Variants in METTL6 observed in about 807,000 individuals in gnomAD.
The protein encoded by METTL6 is tRNA N(3)-cytidine methyltransferase METTL6.
In METTL6, 22 loss-of-function variants were observed where a neutral mutation model predicts 26.4. The observed-to-expected ratio is 0.83, with a 90% confidence interval of 0.59 to 1.19. The LOEUF (loss-of-function observed/expected upper bound fraction) is 1.19. Among genes scored for constraint, METTL6 ranks in the 50% most tolerant of loss-of-function variants. METTL6 has a pLI of 0.00. For synonymous variants in METTL6, 109 were observed against 116.2 expected (o/e 0.94, Z 0.40); for missense variants, 304 against 324.8 (o/e 0.94, Z 0.49).
chr3:15,391,961 A>C (rs1248299452), intron 6 of METTL6, among the ~76,000 whole-genome samples: 1 of 152,064 alleles, frequency 6.6e-6, no homozygotes, highest in East Asian at 1.9e-4. Context: ...ATAAACATAC[A>C]TGTGCATGTG....
chr3:15,414,492 A>C (rs1273265488), intron 4 of METTL6: 11 of 381,318 alleles, frequency 2.9e-5, no homozygotes, highest in South Asian at 1.9e-4. Context: ...AGTAGCTGGG[A>C]TTATAGGTGC....
chr3:15,390,573 G>C (rs1228886098), intron 6 of METTL6, among the ~76,000 whole-genome samples: 1 of 152,206 alleles, frequency 6.6e-6, no homozygotes, highest in Non-Finnish European at 1.5e-5. Context: ...CAAACCCCTT[G>C]TGAGAGTGAG....
chr3:15,416,102 T>G (rs1214709422), intron 3 of METTL6, among the ~76,000 whole-genome samples, 160 bp from the exon 4 acceptor site: 1 of 152,248 alleles, frequency 6.6e-6, no homozygotes, highest in Non-Finnish European at 1.5e-5. Context: ...CTATAAAGCA[T>G]GTAATATTCA....
intron 3 of METTL6, 81 bp from the exon 4 acceptor site, chr3:15,416,023 A>C: frequency 7.9e-7 from 1 of 1,267,038 alleles, no homozygotes; most frequent in Non-Finnish European, 1.1e-6. Flanking sequence ...TCAAAAGGCG[A>C]TCCAATTTCC....
intron 3 of METTL6, among the ~76,000 whole-genome samples, chr3:15,421,113 T>G (rs911907316): frequency 2.0e-5 from 3 of 152,202 alleles, no homozygotes; most frequent in Non-Finnish European, 2.9e-5. Context: ...AATCTCCATA[T>G]CTAGAAGATG....
chr3:15,426,447 A>T lies in METTL6; in HGVS notation c.65T>A (p.Leu22Gln). ...RILTSEEEEK[L>Q]KRDQTLVSDF... ...AGACACCAAAGTTTGGTCTCTTTTC[A>T]GTTTCTCCTCTTCTTCAGAGGTGAG... The change falls in exon 2 of 6, where the codon CTG becomes CAG. Residue 22 changes from leucine (L) to glutamine (Q), a missense_variant. Physicochemically the swap from Leu to Gln is moderately radical, Grantham distance 113. Transcript: ENST00000383790. 1 of 1,614,166 alleles carries T rather than the reference A, an allele frequency of 6.2e-7. No individual in the cohort carries two copies. The highest frequency in any genetic ancestry group is 8.5e-7 in the Non-Finnish European group (1 of 1,180,004).
intron 6 of METTL6, among the ~76,000 whole-genome samples, chr3:15,395,017 C>T (rs1699449571): frequency 6.6e-6 from 1 of 152,124 alleles, no homozygotes; most frequent in African/African-American, 2.4e-5. Context: ...CTATTAGGTC[C>T]ACTTGGTGCA....
rs141215776 is a variant in METTL6 at position 15,426,744 on chromosome 3, C to T, written c.-124-109G>A. The T allele has an allele frequency of 1.3e-3, 735 of 557,282 alleles. 1 individual carries two copies. The highest frequency in any genetic ancestry group is 2.0e-3 in the Non-Finnish European group (623 of 313,162). 34.5% of individuals were successfully genotyped at this position (557,282 alleles called of 1,614,324 possible). A position where few individuals can be genotyped will look rare whatever the true frequency, so the allele number is the denominator to read the frequency against. On this transcript the variant is annotated intron_variant, in intron 1 of 5. Transcript: ENST00000383790. ...AGACTGTACAAAAAAAAATCCTTCCCGCTATATGAGAGGTCACAAAGAAGA... is the reference window on the plus strand; with the variant it reads ...AGACTGTACAAAAAAAAATCCTTCCTGCTATATGAGAGGTCACAAAGAAGA...
chr3:15,403,455 CCCAGA>C (rs1405806193), intron 6 of METTL6, among the ~76,000 whole-genome samples: 1 of 152,144 alleles, frequency 6.6e-6, no homozygotes, highest in African/African-American at 2.4e-5. Context: ...GTGGCCATGC[CCCAGA>C]CCAGAGAATA....
rs751792903 is a variant in METTL6 at position 15,415,911 on chromosome 3, T to C, written c.392A>G (p.Lys131Arg). 4 of 1,613,154 alleles carry C rather than the reference T, an allele frequency of 2.5e-6. No homozygotes were observed. The highest frequency in any genetic ancestry group is 2.5e-6 in the Non-Finnish European group (3 of 1,179,768). The change falls in exon 4 of 6, where the codon AAG becomes AGG. Residue 131 changes from lysine to arginine, a missense_variant. Physicochemically the swap from Lys to Arg is conservative, Grantham distance 26 (BLOSUM62 2). Coordinates refer to ENST00000383790, the MANE Select transcript of METTL6 (RefSeq NM_152396.4). ...QNPLYDTERC[K>R]VFQCDLTKDD... ...TTTAGTCAGATCACACTGGAATACC[T>C]TGCATCTTTCTGTATCATATAAAGG...
chr3:15,423,830 G>C (rs1178422345), intron 3 of METTL6, among the ~76,000 whole-genome samples: 1 of 152,184 alleles, frequency 6.6e-6, no homozygotes, highest in African/African-American at 2.4e-5. Flanking sequence ...GCTGCAGTGA[G>C]TTGTGATTGG....
downstream of METTL6, among the ~76,000 whole-genome samples, chr3:15,406,340 G>A (rs1699783328): frequency 6.6e-6 from 1 of 151,382 alleles, no homozygotes; most frequent in Non-Finnish European, 1.5e-5. Context: ...AGGGTGCACT[G>A]ATGGAAATGT....
chr3:15,426,775 A>G (rs1291960366), intron 1 of METTL6, 140 bp from the exon 2 acceptor site: 2 of 520,296 alleles, frequency 3.8e-6, no homozygotes, highest in African/African-American at 1.9e-5. Context: ...GAAGACAAAC[A>G]CACAGTCCCT....
intron 6 of METTL6, among the ~76,000 whole-genome samples, chr3:15,402,402 C>T (rs1332850953): frequency 6.6e-6 from 1 of 152,060 alleles, no homozygotes; most frequent in East Asian, 1.9e-4. Flanking sequence ...GTGGGGACCA[C>T]AGGAACAGCT....
intron 5 of METTL6, among the ~76,000 whole-genome samples, chr3:15,412,272 A>G (rs1476622915): frequency 2.0e-5 from 3 of 152,204 alleles, no homozygotes; most frequent in African/African-American, 4.8e-5. Flanking sequence ...TAACCCAAAT[A>G]ATACATCACT....
In METTL6 at chr3:15,401,328, C is replaced by T. The variant is rs562674350; in HGVS notation, c.*11+9917G>A. ...TGCTGGGATTACAGGCGTGAGCCAC[C>T]GTGCCCAGCCCAGTTTTGTATTTTC... On this transcript the variant is annotated intron_variant, in intron 6 of 6. Coordinates refer to the METTL6 transcript ENST00000443029. Among the ~76,000 whole-genome samples the T allele has an allele frequency of 9.6e-4, 146 of 151,846 alleles. 1 individual carries two copies. The highest frequency in any genetic ancestry group is 3.2e-3 in the African/African-American group (133 of 41,432).
intron 2 of METTL6, 28 bp downstream of exon 2, chr3:15,426,259 G>A: frequency 6.3e-7 from 1 of 1,599,014 alleles, no homozygotes; most frequent in South Asian, 1.1e-5. Flanking sequence ...ATGAAGAACA[G>A]CTCAGATAAG....
chr3:15,396,056 G>A (rs933396259), intron 6 of METTL6, among the ~76,000 whole-genome samples: 3 of 152,060 alleles, frequency 2.0e-5, no homozygotes, highest in Non-Finnish European at 4.4e-5. Context: ...TGCTAGATTG[G>A]GGAAGTTCTC....
chr3:15,400,716 T>G (rs1230732940), intron 6 of METTL6, among the ~76,000 whole-genome samples: 1 of 152,186 alleles, frequency 6.6e-6, no homozygotes, highest in Admixed American at 6.5e-5. Flanking sequence ...ACAGAAAACA[T>G]GAATTTCAGA....
Sources: allele counts gnomAD v4.1 joint callset (sites outside exome capture counted in the v4.1 genomes callset), GRCh38; gene constraint gnomAD v4.1.1; transcripts MANE v1.5; gene names NCBI Gene and HGNC (gene_info 2026-07-23, HGNC 2026-07-21).